The following DMRT1 variants were observed in gnomAD, a reference collection of about 807,000 sequenced individuals.
DMRT1 encodes the protein doublesex and mab-3 related transcription factor 1.
Under a neutral mutation model 32.3 loss-of-function variants are expected in DMRT1, and 7 were observed. That is an observed-to-expected ratio of 0.22 (90% CI 0.12 to 0.41). DMRT1 has a LOEUF of 0.41. DMRT1 is among the 10% of genes least tolerant of loss of function. The pLI is 1.00. For synonymous variants in DMRT1, 278 were observed against 206.1 expected, an observed-to-expected ratio of 1.35 and a Z score of -2.99; for missense variants, 625 against 500.5, an observed-to-expected ratio of 1.25 and a Z score of -2.37.
At chr9:955,677 G>A (rs1019552805) in intron 4 of DMRT1, among the ~76,000 whole-genome samples, 7 of 152,200 alleles carry the variant, frequency 4.6e-5, no homozygotes, top group African/African-American at 1.4e-4. Flanking sequence ...CTGCACTGTC[G>A]GGCTGTGGGT....
chr9:922,856 C>G (rs933979900), intron 4 of DMRT1, among the ~76,000 whole-genome samples: 1 of 151,672 alleles, frequency 6.6e-6, no homozygotes, highest in Admixed American at 6.6e-5. Context: ...TCAGCAGTTC[C>G]GTGAAGCGAG....
intron 3 of DMRT1, among the ~76,000 whole-genome samples, chr9:904,019 G>A (rs183201215): frequency 2.1e-3 from 314 of 152,316 alleles, no homozygotes; most frequent in Non-Finnish European, 3.4e-3. Context: ...CCTGTAAAGT[G>A]CTGATGTACT....
intron 2 of DMRT1, among the ~76,000 whole-genome samples, chr9:871,884 T>A (rs1025185430): frequency 1.3e-5 from 2 of 151,444 alleles, no homozygotes; most frequent in African/African-American, 4.9e-5. Context: ...ACCACTGCTT[T>A]GAGTTTAAAA....
chr9:842,357 C>T (rs1272188341), intron 1 of DMRT1, 165 bp downstream of exon 1: 1 of 902,272 alleles, frequency 1.1e-6, no homozygotes, highest in African/African-American at 1.7e-5. Context: ...GCCTCAGCCT[C>T]CCAAGTAGCT....
chr9:919,443 G>A (rs1316134612), intron 4 of DMRT1, among the ~76,000 whole-genome samples: 7 of 151,916 alleles, frequency 4.6e-5, no homozygotes, highest in African/African-American at 1.7e-4. Flanking sequence ...ATTTTACAGG[G>A]CAAGTTTTCC....
At chr9:949,155 T>C (rs544509958) in intron 4 of DMRT1, among the ~76,000 whole-genome samples, 1 of 152,168 alleles carries the variant, frequency 6.6e-6, no homozygotes, top group Admixed American at 6.5e-5. Context: ...CTGTAATCCC[T>C]TGAGGCCAGG....
intron 4 of DMRT1, among the ~76,000 whole-genome samples, chr9:940,191 T>C (rs10816089): frequency 0.3 from 45,625 of 151,070 alleles, 10,448 homozygotes; most frequent in African/African-American, 0.65. Flanking sequence ...TACCATTTAA[T>C]GCAGCAATTC....
rs144389851 is a variant in DMRT1 at position 885,644 on chromosome 9, G to A, written c.539-8268G>A. ...TGTGTCTGCTCGCTAGGGTTTCAGG[G>A]GTTTTGTAGACACAGGATGGAGGCA... On this transcript the variant is annotated intron_variant, in intron 2 of 4. Transcript: ENST00000382276. 5.7e-4 allele frequency among the ~76,000 whole-genome samples: 87 copies of A among 152,236 alleles called. 1 individual carries two copies. In the East Asian group the frequency reaches 0.015, roughly 26 times the overall value.
intron 2 of DMRT1, among the ~76,000 whole-genome samples, chr9:888,895 G>A (rs1690426721): frequency 6.6e-6 from 1 of 151,754 alleles, no homozygotes; most frequent in Non-Finnish European, 1.5e-5. Flanking sequence ...GGGAGGGTAA[G>A]GCAGGAGGAT....
chr9:892,100 A>G (rs1218470836), intron 2 of DMRT1, among the ~76,000 whole-genome samples: 4 of 152,012 alleles, frequency 2.6e-5, no homozygotes, highest in African/African-American at 7.2e-5. Flanking sequence ...TCCTTTCATC[A>G]TGGTTAAAAC....
intron 1 of DMRT1, 125 bp downstream of exon 1, chr9:842,317 C>G: frequency 9.9e-7 from 1 of 1,007,234 alleles, no homozygotes; most frequent in South Asian, 1.9e-5. Flanking sequence ...TCACTGCAAC[C>G]TCCGCTTCCC....
At chr9:846,485 A>C (rs772164585) in intron 1 of DMRT1, among the ~76,000 whole-genome samples, 5 of 151,348 alleles carry the variant, frequency 3.3e-5, no homozygotes, top group Non-Finnish European at 7.4e-5. Flanking sequence ...GACCCACTCT[A>C]CTCTTCAGAT....
chr9:932,879 G>GGC, intron 4 of DMRT1, among the ~76,000 whole-genome samples: 1 of 151,922 alleles, frequency 6.6e-6, no homozygotes, highest in Non-Finnish European at 1.5e-5. Flanking sequence ...ATGTGCATGG[G>GGC]GCGCGGTATC....
chr9:903,672 C>T (rs561752076), intron 3 of DMRT1, among the ~76,000 whole-genome samples: 5 of 152,108 alleles, frequency 3.3e-5, no homozygotes, highest in Non-Finnish European at 7.4e-5. Flanking sequence ...CCCGTAGCTA[C>T]AGTATAGTGC....
chr9:847,059 A>T lies in DMRT1; in HGVS notation c.454A>T (p.Asn152Tyr). ...CGAGCTGCTTGTCAAAAGAGAGAAC[A>T]ATGGCAGTAACCCGTGCCTCATGAC... ...AAELLVKREN[N>Y]GSNPCLMTEC... The change falls in exon 2 of 5, where the codon AAT (asparagine) becomes TAT (tyrosine). Residue 152 changes from asparagine to tyrosine, a missense_variant. By Grantham distance (143) the Asn-to-Tyr change is moderately radical. Around this residue, in one of 3 missense-constraint regions of DMRT1, gnomAD observed 416 missense variants for 321.6 expected, o/e 1.29. Transcript: ENST00000382276. 1 of 1,614,014 alleles carries T rather than the reference A, an allele frequency of 6.2e-7. No individual in the cohort carries two copies. Among genetic ancestry groups the T allele is most frequent in the Non-Finnish European group, 8.5e-7 (1 of 1,180,032 alleles).
At chr9:908,384 C>A (rs966872171) in intron 3 of DMRT1, among the ~76,000 whole-genome samples, 2 of 152,090 alleles carry the variant, frequency 1.3e-5, no homozygotes, top group Non-Finnish European at 2.9e-5. Context: ...CTTGAGCCCA[C>A]GAGATTGAGG....
At chr9:851,019 A>T (rs1295223589) in intron 2 of DMRT1, among the ~76,000 whole-genome samples, 2 of 114,014 alleles carry the variant, frequency 1.8e-5, no homozygotes, top group African/African-American at 6.8e-5. Flanking sequence ...ACAGGGTGAG[A>T]CTCTATCTCA....
chr9:869,127 G>T (rs1007230152), intron 2 of DMRT1, among the ~76,000 whole-genome samples: 2 of 152,214 alleles, frequency 1.3e-5, no homozygotes, highest in Non-Finnish European at 2.9e-5. Context: ...AGGCTTCTGA[G>T]GAAGTTGACA....
chr9:932,875 A>G (rs7863679), intron 4 of DMRT1, among the ~76,000 whole-genome samples: 41,745 of 151,872 alleles, frequency 0.27, 8,124 homozygotes, highest in African/African-American at 0.55. Flanking sequence ...GAAGATGTGC[A>G]TGGGGCGCGG....
Sources: allele counts gnomAD v4.1 joint callset (sites outside exome capture counted in the v4.1 genomes callset), GRCh38; gene constraint gnomAD v4.1.1; regional missense constraint gnomAD v4.1.1; transcripts MANE v1.5; gene names NCBI Gene and HGNC (gene_info 2026-07-23, HGNC 2026-07-21).